CNTN5: variants seen among roughly 807,000 people sequenced by gnomAD.
The protein encoded by CNTN5 is contactin 5.
In CNTN5, 77 loss-of-function variants were observed where a neutral mutation model predicts 129.1. The observed-to-expected ratio is 0.60, with a 90% CI of 0.50 to 0.72. CNTN5 has a LOEUF of 0.72. Among genes scored for constraint, CNTN5 ranks in the 30% least tolerant of loss-of-function variants. The pLI is 0.00. For synonymous variants in CNTN5, 509 were observed against 465.6 expected, an observed-to-expected ratio of 1.09 and a Z score of -1.20; for missense variants, 1,478 against 1,328.8, an observed-to-expected ratio of 1.11 and a Z score of -1.75.
chr11:100,250,856 A>G (rs372943053), intron 16 of CNTN5, among the ~76,000 whole-genome samples: 27 of 152,136 alleles, frequency 1.8e-4, no homozygotes, highest in South Asian at 1.0e-3. Flanking sequence ...CAGAGAGGCA[A>G]ATTATTTTAT....
At chr11:100,235,633 C>A (rs1949596948) in intron 16 of CNTN5, among the ~76,000 whole-genome samples, 1 of 152,096 alleles carries the variant, frequency 6.6e-6, no homozygotes, top group African/African-American at 2.4e-5. Context: ...CCACTTGTTC[C>A]CAGAGCTCTA....
At chr11:99,473,154 T>A (rs1213978656) in intron 2 of CNTN5, among the ~76,000 whole-genome samples, 1 of 152,194 alleles carries the variant, frequency 6.6e-6, no homozygotes, top group Non-Finnish European at 1.5e-5. Flanking sequence ...ATTATTTTTC[T>A]CATGTAGACA....
intron 15 of CNTN5, among the ~76,000 whole-genome samples, chr11:100,208,778 A>G (rs576711686): frequency 2.6e-5 from 4 of 152,318 alleles, no homozygotes; most frequent in African/African-American, 9.6e-5. Flanking sequence ...GCTGCAAAAC[A>G]AACTGCCCAA....
At chr11:100,029,696 G>A (rs1941608695) in intron 9 of CNTN5, among the ~76,000 whole-genome samples, 1 of 152,102 alleles carries the variant, frequency 6.6e-6, no homozygotes, top group Non-Finnish European at 1.5e-5. Flanking sequence ...TGACTGTGGA[G>A]TATTCTACCC....
At chr11:99,645,797 G>A (rs1242992797) in intron 3 of CNTN5, among the ~76,000 whole-genome samples, 1 of 151,414 alleles carries the variant, frequency 6.6e-6, no homozygotes, top group Non-Finnish European at 1.5e-5. Context: ...TGGGCCTGTC[G>A]GGGTGGGGGG....
At chr11:100,210,263 T>C (rs1039659073) in intron 15 of CNTN5, among the ~76,000 whole-genome samples, 1 of 147,824 alleles carries the variant, frequency 6.8e-6, no homozygotes, top group African/African-American at 2.5e-5. Flanking sequence ...GGTGGGAGGA[T>C]CGCTTGAGCC....
At chr11:99,574,055 T>C (rs2726382) in intron 3 of CNTN5, among the ~76,000 whole-genome samples, 114,981 of 151,900 alleles carry the variant, frequency 0.76, 44,484 homozygotes, top group Non-Finnish European at 0.86. Flanking sequence ...TCACTCCCTA[T>C]ACCCCCCACT....
chr11:100,277,697 C>A (rs1950544887), intron 18 of CNTN5, among the ~76,000 whole-genome samples: 1 of 151,716 alleles, frequency 6.6e-6, no homozygotes, highest in African/African-American at 2.4e-5. Context: ...TAATTGACTT[C>A]TTTATATATT....
At chr11:99,417,854 T>G (rs921200857) in intron 2 of CNTN5, among the ~76,000 whole-genome samples, 10 of 152,164 alleles carry the variant, frequency 6.6e-5, no homozygotes, top group Admixed American at 6.5e-5. Flanking sequence ...GTCCCCATTT[T>G]GGTGAGTTGA....
At chr11:99,368,673 T>C (rs1410022033) in intron 2 of CNTN5, among the ~76,000 whole-genome samples, 1 of 152,156 alleles carries the variant, frequency 6.6e-6, no homozygotes, top group South Asian at 2.1e-4. Context: ...CATACATACT[T>C]CCTGTTGTAT....
intron 2 of CNTN5, among the ~76,000 whole-genome samples, chr11:99,486,003 G>A (rs1945797750): frequency 6.6e-6 from 1 of 151,802 alleles, no homozygotes; most frequent in Admixed American, 6.6e-5. Flanking sequence ...AATCTTCTGG[G>A]CTCAGTTATC....
At chr11:99,596,835 A>G (rs181280521) in intron 3 of CNTN5, among the ~76,000 whole-genome samples, 20 of 152,324 alleles carry the variant, frequency 1.3e-4, no homozygotes, top group African/African-American at 4.8e-4. Flanking sequence ...CTTTATAAAT[A>G]GACAATAATA....
At chr11:100,289,443 G>C (rs184918557) in intron 18 of CNTN5, among the ~76,000 whole-genome samples, 110 of 150,884 alleles carry the variant, frequency 7.3e-4, no homozygotes, top group Non-Finnish European at 3.1e-4. Context: ...TGGGATGCAA[G>C]GCTGGTTCAA....
intron 2 of CNTN5, among the ~76,000 whole-genome samples, chr11:99,425,541 A>G (rs7924518): frequency 6.6e-6 from 1 of 152,238 alleles, no homozygotes; most frequent in Non-Finnish European, 1.5e-5. Context: ...GGCTGGCATA[A>G]CAGCACCACC....
chr11:99,340,296 G>A (rs1866451076), intron 2 of CNTN5, among the ~76,000 whole-genome samples: 1 of 152,092 alleles, frequency 6.6e-6, no homozygotes, highest in Non-Finnish European at 1.5e-5. Flanking sequence ...ATATAAATTT[G>A]GAGTATAAGG....
intron 13 of CNTN5, among the ~76,000 whole-genome samples, chr11:100,128,375 A>G (rs145070730): frequency 1.6e-3 from 238 of 152,218 alleles, no homozygotes; most frequent in African/African-American, 5.5e-3. Context: ...TCTCTATCCT[A>G]TACATTGTTC....
chr11:100,056,246 C>G (rs894366804), intron 9 of CNTN5, among the ~76,000 whole-genome samples: 2 of 151,556 alleles, frequency 1.3e-5, no homozygotes, highest in Admixed American at 6.6e-5. Flanking sequence ...ATGTGCTGTT[C>G]TGTATTTTGT....
chr11:99,648,201 T>G (rs896251472), intron 3 of CNTN5, among the ~76,000 whole-genome samples: 8 of 152,010 alleles, frequency 5.3e-5, no homozygotes, highest in Admixed American at 1.3e-4. Context: ...TTGGCTTTTA[T>G]TCTGTTGATG....
intron 1 of CNTN5, among the ~76,000 whole-genome samples, chr11:99,175,850 T>C (rs1857744762): frequency 1.3e-5 from 2 of 152,132 alleles, no homozygotes; most frequent in African/African-American, 4.8e-5. Context: ...TTGGAAATTA[T>C]GAATTTGGAT....
Sources: allele counts gnomAD v4.1 joint callset (sites outside exome capture counted in the v4.1 genomes callset), GRCh38; gene constraint gnomAD v4.1.1; transcripts MANE v1.5; gene names NCBI Gene and HGNC (gene_info 2026-07-23, HGNC 2026-07-21).